THEMIS: variants seen among roughly 807,000 people sequenced by gnomAD.
THEMIS encodes protein THEMIS.
A neutral mutation model predicts 52.6 loss-of-function variants in THEMIS; 37 were observed. That is an observed-to-expected ratio of 0.70 (90% CI 0.54 to 0.93). The LOEUF (loss-of-function observed/expected upper bound fraction) is 0.93. Ranked by LOEUF, THEMIS falls within the 40% of genes least tolerant of loss-of-function variation. THEMIS has a pLI of 0.00. For synonymous variants in THEMIS, 292 were observed against 272.7 expected (o/e 1.07, Z -0.70); for missense variants, 808 against 763.1 (o/e 1.06, Z -0.69).
At chr6:127,831,566 T>TATA (rs1392652553) in intron 2 of THEMIS, among the ~76,000 whole-genome samples, 1 of 152,118 alleles carries the variant, frequency 6.6e-6, no homozygotes, top group Non-Finnish European at 1.5e-5. Flanking sequence ...TTTAGCCAAT[T>TATA]ATAGTGTCAT....
rs78807439 is a variant in THEMIS at position 127,871,261 on chromosome 6, T to C, written c.92-16073A>G. On this transcript the variant is annotated intron_variant, in intron 1 of 5. Transcript: ENST00000368248. ...CAAAAATAAGAAAAAAAATTTTATA[T>C]ATGCATATAATACATATTTATACCT... is the stretch of plus-strand genomic sequence containing the variant. Among the ~76,000 whole-genome samples the C allele has an allele frequency of 1.0e-2, 1,519 of 152,130 alleles. 31 individuals are homozygous for C. The highest frequency in any genetic ancestry group is 0.035 in the African/African-American group (1,441 of 41,542).
At chr6:127,846,762 A>T (rs569626608) in intron 2 of THEMIS, among the ~76,000 whole-genome samples, 45 of 151,984 alleles carry the variant, frequency 3.0e-4, no homozygotes, top group Admixed American at 5.9e-4. Flanking sequence ...AAATAGAGAA[A>T]CATAGAATCC....
At chr6:127,707,366 T>C (rs1773825297), downstream of THEMIS, among the ~76,000 whole-genome samples, 1 of 152,150 alleles carries the variant, frequency 6.6e-6, no homozygotes, top group South Asian at 2.1e-4. Flanking sequence ...ATTTTAGGAA[T>C]TTTGGCTTTT....
At chr6:127,855,213 A>G in intron 1 of THEMIS, 25 bp from the exon 2 acceptor site, 1 of 1,553,790 alleles carries the variant, frequency 6.4e-7, no homozygotes. Context: ...AAGTTAAAAC[A>G]GCTTTTTAAA....
At position 127,783,334 on chromosome 6, in the gene THEMIS, G is replaced by A. The variant is rs573335347; in HGVS notation, c.1758+29549C>T. On this transcript the variant is annotated intron_variant, in intron 4 of 5. Transcript: ENST00000368248. The stretch of plus-strand genomic sequence containing the variant: ...CATTCAGGACATAGGCATGGGCAAC[G>A]ACTTCATGACTAAAACACCAAAACC... 1.8e-4 allele frequency among the ~76,000 whole-genome samples: 28 copies of A among 152,274 alleles called. No individual in the cohort carries two copies. The South Asian group carries it at 3.1e-3, about 17-fold the overall frequency.
the THEMIS span, among the ~76,000 whole-genome samples, chr6:127,703,039 T>G: frequency 1.4e-4 from 13 of 96,224 alleles, 1 homozygote; most frequent in Non-Finnish European, 2.6e-4. Flanking sequence ...GAATGAGTTT[T>G]TTTTTTTTTT....
chr6:127,713,551 A>G (rs977787438), intron 5 of THEMIS, among the ~76,000 whole-genome samples: 14 of 151,912 alleles, frequency 9.2e-5, no homozygotes, highest in African/African-American at 3.4e-4. Context: ...TAAAAAGGAC[A>G]CTGCAAAATA....
rs556006926 is a variant in THEMIS, at chr6:127,719,914, G to A, written c.1759-91C>T. On this transcript the variant is annotated intron_variant, in intron 4 of 5. Transcript: ENST00000368248. ...ATTTATCACATGGCAATTCATTTCT[G>A]TATGTCTGAAACAGAACATTTGACA... 1.1e-5 allele frequency: 17 copies of A among 1,492,754 alleles called. No individual in the cohort carries two copies. The Middle Eastern group carries it at 7.3e-4, about 64-fold the overall frequency. The allele number at this position is 1,492,754 out of a possible 1,614,324, so 92.5% of individuals were successfully genotyped here. A position where few individuals can be genotyped will look rare whatever the true frequency, so the allele number is the denominator to read the frequency against.
At chr6:127,890,305 C>T (rs1313007393) in intron 1 of THEMIS, among the ~76,000 whole-genome samples, 1 of 152,128 alleles carries the variant, frequency 6.6e-6, no homozygotes, top group Admixed American at 6.6e-5. Flanking sequence ...CAATAATTTT[C>T]AGTAACATGA....
At chr6:127,874,059 C>T (rs1780238522) in intron 1 of THEMIS, among the ~76,000 whole-genome samples, 1 of 152,144 alleles carries the variant, frequency 6.6e-6, no homozygotes, top group Non-Finnish European at 1.5e-5. Flanking sequence ...CTTTGTAGGT[C>T]TCATGCTGTT....
intron 4 of THEMIS, among the ~76,000 whole-genome samples, chr6:127,744,123 T>A (rs1416451884): frequency 6.6e-6 from 1 of 152,108 alleles, no homozygotes; most frequent in African/African-American, 2.4e-5. Flanking sequence ...AGTTGCAGAA[T>A]CTTCAACTGT....
In THEMIS at chr6:127,785,615, AAT is replaced by A. The variant is rs1776923408; in HGVS notation, c.1758+27266_1758+27267del. On this transcript the variant is annotated intron_variant, in intron 4 of 5. Transcript: ENST00000368248. ...AGGATTATAAAAATATAATCGTTAA[AAT>A]ATCTCAGTTCACTTTTAAAGTTAAA... is the stretch of plus-strand genomic sequence containing the variant. Among the ~76,000 whole-genome samples the A allele has an allele frequency of 2.0e-5, 3 of 152,156 alleles. No individual in the cohort carries two copies. The South Asian group carries it at 6.2e-4, about 31-fold the overall frequency.
intron 4 of THEMIS, among the ~76,000 whole-genome samples, chr6:127,764,951 A>G (rs2114405892): frequency 1.3e-5 from 2 of 152,126 alleles, no homozygotes; most frequent in East Asian, 3.9e-4. Context: ...AACCTCATTA[A>G]CTGTGAATTT....
At chr6:127,856,272 G>T (rs1245766861) in intron 1 of THEMIS, among the ~76,000 whole-genome samples, 1 of 151,946 alleles carries the variant, frequency 6.6e-6, no homozygotes, top group Non-Finnish European at 1.5e-5. Flanking sequence ...ATGGTTGCCA[G>T]AAAAGTTAGT....
At chr6:127,769,882 C>CA (rs1776324379) in intron 4 of THEMIS, among the ~76,000 whole-genome samples, 1 of 152,164 alleles carries the variant, frequency 6.6e-6, no homozygotes, top group Non-Finnish European at 1.5e-5. Flanking sequence ...GTTTGGTTTC[C>CA]TGTCCTTGTG....
intron 4 of THEMIS, among the ~76,000 whole-genome samples, chr6:127,775,650 T>C (rs530226434): frequency 1.3e-5 from 2 of 151,976 alleles, no homozygotes; most frequent in African/African-American, 2.4e-5. Flanking sequence ...TTTTTTTTTT[T>C]GCAGTGAATG....
intron 1 of THEMIS, among the ~76,000 whole-genome samples, chr6:127,895,272 A>T (rs1282308190): frequency 2.6e-5 from 4 of 151,398 alleles, no homozygotes; most frequent in African/African-American, 9.7e-5. Flanking sequence ...TAAGACAAGG[A>T]TTTCCACTAT....
chr6:127,788,089 T>C (rs1777036635), intron 4 of THEMIS, among the ~76,000 whole-genome samples: 1 of 152,208 alleles, frequency 6.6e-6, no homozygotes, highest in Non-Finnish European at 1.5e-5. Flanking sequence ...ACTTGGAGTT[T>C]GGCTGGCACA....
chr6:127,841,295 C>A (rs1779040301), intron 2 of THEMIS, among the ~76,000 whole-genome samples: 1 of 151,982 alleles, frequency 6.6e-6, no homozygotes, highest in Non-Finnish European at 1.5e-5. Flanking sequence ...TAGAAATGTT[C>A]TCTACCAACG....
Sources: allele counts gnomAD v4.1 joint callset (sites outside exome capture counted in the v4.1 genomes callset), GRCh38; gene constraint gnomAD v4.1.1; transcripts MANE v1.5; gene names NCBI Gene and HGNC (gene_info 2026-07-23, HGNC 2026-07-21).